Variants in RNF150 observed in about 807,000 individuals in gnomAD.
RNF150 encodes ring finger protein 150.
In RNF150, 24 loss-of-function variants were observed where a neutral mutation model predicts 39.3. The observed-to-expected ratio is 0.61, with a 90% confidence interval of 0.44 to 0.86. The LOEUF is 0.86. Ranked by LOEUF, RNF150 falls within the 40% of genes least tolerant of loss-of-function variation. The probability of loss-of-function intolerance (pLI) is 0.00; values close to 1 mark genes in which losing one functional copy is unlikely to be tolerated. For synonymous variants in RNF150, 255 were observed against 227.3 expected, an observed-to-expected ratio of 1.12 and a Z score of -1.10; for missense variants, 502 against 587.8, an observed-to-expected ratio of 0.85 and a Z score of 1.51.
chr4:141,031,117 C>T (rs1324971950), intron 1 of RNF150, among the ~76,000 whole-genome samples: 2 of 151,924 alleles, frequency 1.3e-5, no homozygotes, highest in Non-Finnish European at 2.9e-5. Flanking sequence ...CATTTACAGG[C>T]AATTGATCTT....
chr4:140,884,388 A>G (rs536337964), intron 6 of RNF150, among the ~76,000 whole-genome samples: 9 of 152,054 alleles, frequency 5.9e-5, no homozygotes, highest in Non-Finnish European at 1.2e-4. Flanking sequence ...GGACTTCAGT[A>G]TTTGAATTAT....
Position 141,088,060 on chromosome 4 carries a change from G to A in RNF150, c.484+44265C>T, listed in dbSNP as rs192261705. On this transcript the variant is annotated intron_variant, in intron 1 of 6. Transcript: ENST00000515673. ...ATCATCTTTGTCACTTACTAGATGA[G>A]TAAACTATAGACAAATTAATTAAAC... 2.4e-4 allele frequency among the ~76,000 whole-genome samples: 36 copies of A among 152,246 alleles called. No homozygotes were observed. The East Asian group carries it at 6.7e-3, about 29-fold the overall frequency.
intron 1 of RNF150, among the ~76,000 whole-genome samples, chr4:140,987,752 G>A (rs9994743): frequency 0.2 from 31,017 of 152,012 alleles, 3,426 homozygotes; most frequent in African/African-American, 0.28. Context: ...CAAAAAAATT[G>A]ACAAGTGGGA....
At chr4:140,944,508 GACTTA>G (rs1472942594) in intron 4 of RNF150, 1 of 152,116 alleles carries the variant, frequency 6.6e-6, no homozygotes, top group African/African-American at 2.4e-5. Context: ...GTATGTGCAT[GACTTA>G]ACTTTAGTAA....
chr4:141,200,503 T>C (rs757981024), intron 1 of RNF150, among the ~76,000 whole-genome samples: 4 of 151,852 alleles, frequency 2.6e-5, no homozygotes, highest in African/African-American at 4.8e-5. Context: ...TATTCTCATA[T>C]AGTGGAAAAG....
intron 5 of RNF150, among the ~76,000 whole-genome samples, chr4:140,915,826 C>T (rs1459704199): frequency 3.3e-5 from 5 of 152,142 alleles, no homozygotes; most frequent in African/African-American, 4.8e-5. Flanking sequence ...CTCACACGGC[C>T]GGGTACTCGT....
At chr4:141,066,603 T>C (rs926583182) in intron 1 of RNF150, among the ~76,000 whole-genome samples, 2 of 152,224 alleles carry the variant, frequency 1.3e-5, no homozygotes, top group African/African-American at 4.8e-5. Context: ...TTAGTAAGCA[T>C]TCTGCTATGA....
intron 1 of RNF150, among the ~76,000 whole-genome samples, chr4:141,105,614 G>A (rs1206502846): frequency 1.3e-5 from 2 of 152,074 alleles, no homozygotes; most frequent in Admixed American, 1.3e-4. Context: ...TACCAAACCT[G>A]TGCCAAGCCT....
In RNF150 at chr4:141,093,382, G is replaced by T. The variant is rs922148473; in HGVS notation, c.484+38943C>A. On this transcript the variant is annotated intron_variant, in intron 1 of 6. Coordinates refer to ENST00000515673, the MANE Select transcript of RNF150 (RefSeq NM_020724.2). ...CTCCATCTCAAAAAAAAAAAAAGGG[G>T]GGGGAAAGGGAACTGGTGTGAAGCT... Among the ~76,000 whole-genome samples the T allele has an allele frequency of 6.0e-3, 914 of 151,414 alleles. 37 individuals are homozygous for T. In the East Asian group the frequency reaches 0.1, roughly 17 times the overall value.
At chr4:141,109,021 G>A (rs946650909) in intron 1 of RNF150, among the ~76,000 whole-genome samples, 2 of 152,154 alleles carry the variant, frequency 1.3e-5, no homozygotes, top group Non-Finnish European at 2.9e-5. Flanking sequence ...AGTAACCCCA[G>A]AAGGTTTCTG....
intron 2 of RNF150, among the ~76,000 whole-genome samples, chr4:140,963,106 T>C (rs1056050090): frequency 6.6e-6 from 1 of 152,050 alleles, no homozygotes. Flanking sequence ...TTTTTCAGAA[T>C]TTTTCTATGA....
chr4:141,147,799 G>C (rs56024378), intron 1 of RNF150, among the ~76,000 whole-genome samples: 2,017 of 152,242 alleles, frequency 0.013, 51 homozygotes, highest in African/African-American at 0.047. Context: ...AGGGGAAAAG[G>C]CTGATTGAAC....
At chr4:140,990,199 GCCTGTACAA>G (rs1456936177) in intron 1 of RNF150, among the ~76,000 whole-genome samples, 1 of 152,126 alleles carries the variant, frequency 6.6e-6, no homozygotes, top group Admixed American at 6.5e-5. Flanking sequence ...TTCCATAAGT[GCCTGTACAA>G]CCAGTGCAGA....
chr4:141,022,257 G>A (rs1735524669), intron 1 of RNF150, among the ~76,000 whole-genome samples: 2 of 151,846 alleles, frequency 1.3e-5, no homozygotes, highest in African/African-American at 4.8e-5. Context: ...TGGAATAACA[G>A]CTCTCTGGAA....
chr4:141,166,642 T>C (rs773001258), intron 1 of RNF150, among the ~76,000 whole-genome samples: 2 of 152,090 alleles, frequency 1.3e-5, no homozygotes, highest in Non-Finnish European at 2.9e-5. Flanking sequence ...GTTCAACATA[T>C]GCAAATGAAT....
Position 141,074,665 on chromosome 4 carries a change from A to G in RNF150, c.484+57660T>C, listed in dbSNP as rs114636910. Among the ~76,000 whole-genome samples the G allele has an allele frequency of 3.7e-3, 571 of 152,282 alleles. 2 individuals are homozygous for G. The highest frequency in any genetic ancestry group is 6.3e-3 in the Non-Finnish European group (430 of 68,024). On this transcript the variant is annotated intron_variant, in intron 1 of 6. Coordinates refer to ENST00000515673, the MANE Select transcript of RNF150 (RefSeq NM_020724.2). ...CATAACCACTCCAGAGATGCCACCCAAAGCAGGATACAGCTCTCAGGCTTC... is the reference window on the plus strand; with the variant it reads ...CATAACCACTCCAGAGATGCCACCCGAAGCAGGATACAGCTCTCAGGCTTC...
intron 1 of RNF150, among the ~76,000 whole-genome samples, chr4:141,139,277 C>T (rs1727077586): frequency 6.6e-6 from 1 of 152,122 alleles, no homozygotes; most frequent in South Asian, 2.1e-4. Context: ...TGTGTTAGGC[C>T]CTGCGCTGAC....
chr4:140,971,427 G>C (rs1287833091), intron 1 of RNF150, among the ~76,000 whole-genome samples: 1 of 152,132 alleles, frequency 6.6e-6, no homozygotes, highest in Admixed American at 6.6e-5. Context: ...AACCCACAAG[G>C]AGGTCCGGCT....
chr4:141,078,672 C>A (rs894607201), intron 1 of RNF150, among the ~76,000 whole-genome samples: 6 of 150,564 alleles, frequency 4.0e-5, no homozygotes, highest in Non-Finnish European at 8.9e-5. Context: ...CACCTGTAGT[C>A]CCAGCTACTC....
Sources: allele counts gnomAD v4.1 joint callset (sites outside exome capture counted in the v4.1 genomes callset), GRCh38; gene constraint gnomAD v4.1.1; transcripts MANE v1.5; gene names NCBI Gene and HGNC (gene_info 2026-07-23, HGNC 2026-07-21).